APOBEC3B: variants seen among roughly 807,000 people sequenced by gnomAD.
APOBEC3B encodes the protein DNA dC->dU-editing enzyme APOBEC-3B.
A neutral mutation model predicts 53.4 loss-of-function variants in APOBEC3B; 29 were observed. The observed-to-expected ratio is 0.54, with a 90% CI of 0.40 to 0.74. The LOEUF is 0.74. Ranked by LOEUF, APOBEC3B falls within the 30% of genes least tolerant of loss-of-function variation. The probability of loss-of-function intolerance (pLI) is 0.00; values close to 1 mark genes in which losing one functional copy is unlikely to be tolerated. For synonymous variants in APOBEC3B, 132 were observed against 184.8 expected, an observed-to-expected ratio of 0.71 and a Z score of 2.32; for missense variants, 347 against 496.2, an observed-to-expected ratio of 0.70 and a Z score of 2.86.
Position 38,990,119 on chromosome 22 carries a change from T to A in APOBEC3B, c.723+509T>A, listed in dbSNP as rs11089915. On this transcript the variant is annotated intron_variant, in intron 5 of 7. Coordinates refer to ENST00000333467, the MANE Select transcript of APOBEC3B (RefSeq NM_004900.5). The stretch of plus-strand genomic sequence containing the variant: ...CCAGGAAAGGCTGAGGGGGCCAGGC[T>A]AGGCTGGCCAGGAGCCCTGAGCCCA... 6.6e-5 allele frequency among the ~76,000 whole-genome samples: 3 copies of A among 45,524 alleles called. 1 individual carries two copies. Among genetic ancestry groups the A allele is most frequent in the Non-Finnish European group, 1.3e-4 (3 of 23,134 alleles). The allele number at this position is 45,524 out of a possible 152,430, so 29.9% of individuals were successfully genotyped here.
Position 38,992,524 on chromosome 22 carries a change from A to G in APOBEC3B, c.*79A>G, listed in dbSNP as rs749808743. The G allele has an allele frequency of 1.3e-5, 21 of 1,600,276 alleles. No individual in the cohort carries two copies. Among genetic ancestry groups the G allele is most frequent in the Non-Finnish European group, 1.8e-5 (21 of 1,170,866 alleles). ...AAAAGATCTTCTTCCAAGAAATGCA[A>G]ACAGACCGTTCACCACCATCTCCAG... On this transcript the variant is annotated 3_prime_UTR_variant, in exon 8 of 8. Transcript: ENST00000333467.
chr22:38,990,255 A>G lies in APOBEC3B; in HGVS notation c.723+645A>G, dbSNP rs1321335863. On this transcript the variant is annotated intron_variant, in intron 5 of 7. Coordinates refer to ENST00000333467, the MANE Select transcript of APOBEC3B (RefSeq NM_004900.5). The stretch of plus-strand genomic sequence containing the variant: ...GGCTTCTCTGGGCTCTATGAGCTCA[A>G]TGTGGGCCTCGCTGGATCCACACAC... Among the ~76,000 whole-genome samples the G allele has an allele frequency of 3.4e-5, 5 of 147,812 alleles. 1 individual carries two copies. In the South Asian group the frequency reaches 1.1e-3, roughly 33 times the overall value.
chr22:38,992,067 G>A lies in APOBEC3B; in HGVS notation c.1052G>A (p.Arg351His), dbSNP rs1053813. 2.1e-4 allele frequency: 341 copies of A among 1,590,498 alleles called. 15 individuals carry two copies. The African/African-American group carries it at 3.0e-3, about 14-fold the overall frequency. ...FEYCWDTFVYRQGCPFQPWDG... is the reference protein window; with the variant it reads ...FEYCWDTFVYHQGCPFQPWDG... ...TACTGCTGGGACACCTTTGTGTACC[G>A]CCAGGGATGTCCCTTCCAGCCCTGG... Residue 351 changes from arginine (R) to histidine (H), a missense_variant, in exon 7 of 8, where the codon CGC (arginine) becomes CAC (histidine). Physicochemically the swap from Arg to His is conservative, Grantham distance 29. Coordinates refer to ENST00000333467, the MANE Select transcript of APOBEC3B (RefSeq NM_004900.5).
chr22:38,983,287 C>T lies in APOBEC3B; in HGVS notation c.18-788C>T, dbSNP rs1337937647. On this transcript the variant is annotated intron_variant, in intron 1 of 7. Coordinates refer to ENST00000333467, the MANE Select transcript of APOBEC3B (RefSeq NM_004900.5). ...GAGCTGAGATCATGCCACTGCACTC[C>T]AGCCTGGGCGACAGAGTGAGACTTC... 2.0e-5 allele frequency among the ~76,000 whole-genome samples: 3 copies of T among 147,192 alleles called. No individual in the cohort carries two copies. In the Admixed American group the frequency reaches 2.1e-4, roughly 10 times the overall value.
chr22:38,982,584 C>A, intron 1 of APOBEC3B, 114 bp downstream of exon 1: 1 of 1,280,208 alleles, frequency 7.8e-7, no homozygotes, highest in Non-Finnish European at 1.1e-6. Flanking sequence ...GGCTCCCTCC[C>A]CTCTGGCTCC....
At chr22:38,989,973 C>G (rs945273941) in intron 5 of APOBEC3B, among the ~76,000 whole-genome samples, 1 of 148,852 alleles carries the variant, frequency 6.7e-6, no homozygotes, top group African/African-American at 2.4e-5. Flanking sequence ...TGCGGAGAGA[C>G]AGACTGGGGC....
At chr22:38,985,239 GT>G (rs561781619) in intron 2 of APOBEC3B, among the ~76,000 whole-genome samples, 3 of 145,998 alleles carry the variant, frequency 2.1e-5, no homozygotes, top group Non-Finnish European at 3.0e-5. Flanking sequence ...TTTTGTTTTG[GT>G]TTTTTTTTAA....
Position 38,986,825 on chromosome 22 carries a change from C to T in APOBEC3B, c.569+413C>T, listed in dbSNP as rs1217263440. Among the ~76,000 whole-genome samples the T allele has an allele frequency of 1.3e-5, 2 of 148,694 alleles. 1 individual carries two copies. The highest frequency in any genetic ancestry group is 1.4e-4 in the Admixed American group (2 of 14,540). Reference sequence around the variant, plus strand: ...TCCTGGGGGGACATCTGAGGGCCACCCCCACCCGCTATTCCTCCCTCCAAT... The same window carrying T: ...TCCTGGGGGGACATCTGAGGGCCACTCCCACCCGCTATTCCTCCCTCCAAT... On this transcript the variant is annotated intron_variant, in intron 4 of 7. Coordinates refer to ENST00000333467, the MANE Select transcript of APOBEC3B (RefSeq NM_004900.5).
In APOBEC3B at chr22:38,985,920, A is replaced by C. The variant is rs751972538; in HGVS notation, c.283A>C (p.Thr95Pro). The change falls in exon 3 of 8, where the codon ACC becomes CCC. Residue 95 changes from threonine (T) to proline (P), a missense_variant. By Grantham distance (38) the Thr-to-Pro change is conservative (BLOSUM62 -1). This residue lies in a region of APOBEC3B where 20 missense variants were observed against 50.9 expected (regional missense o/e 0.39). Coordinates refer to ENST00000333467, the MANE Select transcript of APOBEC3B (RefSeq NM_004900.5). ...CFQITWFVSW[T>P]PCPDCVAKLA... ...CCAGATCACCTGGTTTGTATCCTGGACCCCCTGCCCGGACTGTGTGGCGAA... is the reference window on the plus strand; with the variant it reads ...CCAGATCACCTGGTTTGTATCCTGGCCCCCCTGCCCGGACTGTGTGGCGAA... The C allele has an allele frequency of 3.7e-6, 6 of 1,600,594 alleles. 1 individual carries two copies. The highest frequency in any genetic ancestry group is 5.1e-6 in the Non-Finnish European group (6 of 1,176,348).
chr22:38,989,535 G>C lies in APOBEC3B; in HGVS notation c.648G>C (p.Leu216Phe), dbSNP rs1193613657. 6.3e-7 allele frequency: 1 copy of C among 1,589,998 alleles called. No individual in the cohort carries two copies. Among genetic ancestry groups the C allele is most frequent in the Non-Finnish European group, 8.5e-7 (1 of 1,170,108 alleles). The stretch of plus-strand genomic sequence containing the variant: ...TCCTTCGACGGCGCCAGACCTACTT[G>C]TGCTATGAGGTGGAGCGCCTGGACA... ...PLVLRRRQTY[L>F]CYEVERLDNG... Residue 216 changes from leucine (L) to phenylalanine (F), a missense_variant, in exon 5 of 8, where the codon TTG becomes TTC. By Grantham distance (22) the Leu-to-Phe change is conservative (BLOSUM62 0). Transcript: ENST00000333467.
rs1249394972 is a variant in APOBEC3B, at chr22:38,992,550, C to T, written c.*105C>T. On this transcript the variant is annotated 3_prime_UTR_variant, in exon 8 of 8. Coordinates refer to ENST00000333467, the MANE Select transcript of APOBEC3B (RefSeq NM_004900.5). ...ACAGACCGTTCACCACCATCTCCAG[C>T]TGCTCACAGACACCAGCAAAGCAAT... 7.5e-6 allele frequency: 12 copies of T among 1,606,740 alleles called. No individual in the cohort carries two copies. The South Asian group carries it at 1.2e-4, about 16-fold the overall frequency.
chr22:38,986,199 G>A, intron 3 of APOBEC3B, 99 bp from the exon 4 acceptor site: 1 of 1,581,122 alleles, frequency 6.3e-7, no homozygotes, highest in Non-Finnish European at 8.6e-7. Context: ...TGCAGGGGTG[G>A]GACTGGCACT....
At chr22:38,984,574 G>A (rs1254893214) in intron 2 of APOBEC3B, among the ~76,000 whole-genome samples, 2 of 148,582 alleles carry the variant, frequency 1.3e-5, no homozygotes, top group Non-Finnish European at 3.0e-5. Context: ...TAGTTATAAT[G>A]GTTCTGGAAA....
intron 1 of APOBEC3B, among the ~76,000 whole-genome samples, chr22:38,982,730 C>T (rs1207230769): frequency 6.7e-6 from 1 of 148,190 alleles, no homozygotes; most frequent in Non-Finnish European, 1.5e-5. Flanking sequence ...CATGCCCGGA[C>T]TGGTGCTCCC....
chr22:38,992,532 G>A lies in APOBEC3B; in HGVS notation c.*87G>A, dbSNP rs377246003. The A allele has an allele frequency of 2.7e-5, 43 of 1,602,864 alleles. 1 individual carries two copies. In the South Asian group the frequency reaches 3.3e-4, roughly 12 times the overall value. ...TTCTTCCAAGAAATGCAAACAGACC[G>A]TTCACCACCATCTCCAGCTGCTCAC... On this transcript the variant is annotated 3_prime_UTR_variant, in exon 8 of 8. Coordinates refer to ENST00000333467, the MANE Select transcript of APOBEC3B (RefSeq NM_004900.5).
chr22:38,983,432 C>T (rs1190240375), intron 1 of APOBEC3B, among the ~76,000 whole-genome samples: 3 of 148,978 alleles, frequency 2.0e-5, no homozygotes, highest in Non-Finnish European at 3.0e-5. Flanking sequence ...AGCCCAGTCC[C>T]CAACAGCTTT....
intron 4 of APOBEC3B, among the ~76,000 whole-genome samples, chr22:38,988,691 T>TTCTTTCTTTCTTTCTC (rs1923849709): frequency 1.1e-5 from 1 of 87,912 alleles, no homozygotes; most frequent in African/African-American, 4.5e-5. Context: ...TTCTCTTTCT[T>TTCTTTCTTTCTTTCTC]TCTTTCTTTC....
At chr22:38,990,350 T>A (rs201210812) in intron 5 of APOBEC3B, among the ~76,000 whole-genome samples, 5 of 145,888 alleles carry the variant, frequency 3.4e-5, no homozygotes, top group Non-Finnish European at 6.0e-5. Flanking sequence ...CCCCCAGGAA[T>A]GACCCACAGC....
At chr22:38,982,507 C>A in intron 1 of APOBEC3B, 37 bp downstream of exon 1, 5 of 1,591,350 alleles carry the variant, frequency 3.1e-6, no homozygotes, top group Non-Finnish European at 4.3e-6. Context: ...GCCCCTCCTG[C>A]CCCTTCCTGC....
Sources: gnomAD v4.1 joint callset for allele counts (sites outside exome capture counted in the v4.1 genomes callset) on GRCh38, gnomAD v4.1.1 for gene constraint, gnomAD v4.1.1 regional missense constraint, MANE v1.5 for transcripts, NCBI Gene and HGNC (gene_info 2026-07-23, HGNC 2026-07-21) for gene names.